The following SCAPER variants were observed in gnomAD, a reference collection of about 807,000 sequenced individuals.
SCAPER encodes the protein S phase cyclin A-associated protein in the endoplasmic reticulum.
Under a neutral mutation model 182.2 loss-of-function variants are expected in SCAPER, and 98 were observed. That is an observed-to-expected ratio of 0.54 (90% CI 0.46 to 0.64). The LOEUF is 0.64. SCAPER is among the 30% of genes least tolerant of loss of function. SCAPER has a pLI of 0.00. For synonymous variants in SCAPER, 605 were observed against 564.6 expected, an observed-to-expected ratio of 1.07 and a Z score of -1.01; for missense variants, 1,432 against 1,690.0, an observed-to-expected ratio of 0.85 and a Z score of 2.68.
At chr15:76,507,368 A>G (rs2041673539) in intron 23 of SCAPER, among the ~76,000 whole-genome samples, 1 of 152,132 alleles carries the variant, frequency 6.6e-6, no homozygotes, top group Non-Finnish European at 1.5e-5. Context: ...AAACCGAGGG[A>G]AAATCAATTT....
intron 17 of SCAPER, among the ~76,000 whole-genome samples, chr15:76,724,386 A>T (rs2060461841): frequency 6.6e-6 from 1 of 152,128 alleles, no homozygotes; most frequent in Non-Finnish European, 1.5e-5. Flanking sequence ...ACTTCGGTGA[A>T]TCTGACAATT....
chr15:76,790,100 G>A (rs377226498), intron 8 of SCAPER, among the ~76,000 whole-genome samples: 4 of 151,780 alleles, frequency 2.6e-5, no homozygotes, highest in Admixed American at 6.6e-5. Flanking sequence ...GCGTGGTGGC[G>A]GGCGCCTGTA....
intron 23 of SCAPER, among the ~76,000 whole-genome samples, chr15:76,524,832 A>AG (rs1193974862): frequency 2.6e-5 from 4 of 151,762 alleles, no homozygotes; most frequent in Non-Finnish European, 4.4e-5. Context: ...GTTTACATAC[A>AG]GGGAAGATCT....
intron 2 of SCAPER, among the ~76,000 whole-genome samples, chr15:76,875,020 T>C (rs1260643801): frequency 9.2e-5 from 14 of 151,840 alleles, no homozygotes; most frequent in Admixed American, 9.2e-4. Context: ...AATTTGTAAA[T>C]CTCTTTGAAA....
At chr15:76,637,742 A>ATATATG (rs1414519401) in intron 21 of SCAPER, among the ~76,000 whole-genome samples, 2 of 105,844 alleles carry the variant, frequency 1.9e-5, no homozygotes, top group South Asian at 3.6e-4. Context: ...ATATATATAT[A>ATATATG]TGTGTGTGTG....
chr15:76,748,862 T>C (rs1353144850), intron 15 of SCAPER, among the ~76,000 whole-genome samples: 2 of 151,816 alleles, frequency 1.3e-5, no homozygotes, highest in Admixed American at 6.6e-5. Context: ...AATAAAACTT[T>C]TAGGCAAAAA....
intron 26 of SCAPER, among the ~76,000 whole-genome samples, chr15:76,416,225 A>G (rs957112283): frequency 2.6e-5 from 4 of 152,074 alleles, no homozygotes; most frequent in African/African-American, 7.2e-5. Context: ...CTGTAATCCC[A>G]GCACTTTGGA....
At chr15:76,733,968 G>T (rs1157811929) in intron 15 of SCAPER, among the ~76,000 whole-genome samples, 1 of 152,166 alleles carries the variant, frequency 6.6e-6, no homozygotes, top group Non-Finnish European at 1.5e-5. Context: ...ATTTTTAAGT[G>T]AAGAAACAAT....
chr15:76,524,829 T>C (rs2043084633), intron 23 of SCAPER, among the ~76,000 whole-genome samples: 1 of 151,220 alleles, frequency 6.6e-6, no homozygotes, highest in East Asian at 2.0e-4. Flanking sequence ...TAGGTTTACA[T>C]ACAGGGAAGA....
chr15:76,699,342 G>C (rs951390527), intron 20 of SCAPER, among the ~76,000 whole-genome samples: 3 of 152,138 alleles, frequency 2.0e-5, no homozygotes, highest in African/African-American at 7.2e-5. Context: ...TCTCGTTCCA[G>C]TTCTCAAGGG....
chr15:76,800,853 G>A (rs1283448907), intron 6 of SCAPER, among the ~76,000 whole-genome samples: 1 of 152,210 alleles, frequency 6.6e-6, no homozygotes, highest in African/African-American at 2.4e-5. Context: ...ACTCACGAGA[G>A]TAGGATTTCA....
rs534511545 is a variant in SCAPER at position 76,767,992 on chromosome 15, G to C, written c.1249-904C>G. Among the ~76,000 whole-genome samples the C allele has an allele frequency of 4.6e-5, 7 of 152,178 alleles. No homozygotes were observed. The South Asian group carries it at 1.2e-3, about 27-fold the overall frequency. On this transcript the variant is annotated intron_variant, in intron 10 of 31. Transcript: ENST00000563290. ...AGAAGACCAATTTATAATAATAAAA[G>C]GGTCAATTCATCAAGACGACAAAAC...
At chr15:76,371,396 C>T (rs1334346206) in intron 29 of SCAPER, among the ~76,000 whole-genome samples, 5 of 151,166 alleles carry the variant, frequency 3.3e-5, no homozygotes, top group East Asian at 2.0e-4. Context: ...CTCGGCTCAC[C>T]GCAACCTCCG....
rs374199789 is a variant in SCAPER, at chr15:76,536,498, T to A, written c.2839-31524A>T. 3.3e-5 allele frequency among the ~76,000 whole-genome samples: 5 copies of A among 152,240 alleles called. No homozygotes were observed. The East Asian group carries it at 5.8e-4, about 18-fold the overall frequency. On this transcript the variant is annotated intron_variant, in intron 23 of 31. Coordinates refer to ENST00000563290, the MANE Select transcript of SCAPER (RefSeq NM_020843.4). ...TTATACAGTTAATGGTAATGAGTTA[T>A]GAGACAATATTACAAAAGTGTTACA...
At chr15:76,798,399 T>C (rs1325895242) in intron 7 of SCAPER, among the ~76,000 whole-genome samples, 1 of 130,542 alleles carries the variant, frequency 7.7e-6, no homozygotes, top group African/African-American at 2.8e-5. Flanking sequence ...AAAGAAAAAA[T>C]GAACAGATCC....
chr15:76,835,740 G>A (rs1032925061), intron 5 of SCAPER, among the ~76,000 whole-genome samples: 1 of 152,080 alleles, frequency 6.6e-6, no homozygotes, highest in Non-Finnish European at 1.5e-5. Flanking sequence ...AATAGGAAGA[G>A]AGGAAGTCAA....
intron 22 of SCAPER, among the ~76,000 whole-genome samples, chr15:76,585,709 T>C (rs970217358): frequency 6.6e-6 from 1 of 152,172 alleles, no homozygotes; most frequent in Non-Finnish European, 1.5e-5. Flanking sequence ...ATCAAGGGGA[T>C]GCTTTGGTAA....
At chr15:76,865,485 G>A (rs777716543) in intron 2 of SCAPER, among the ~76,000 whole-genome samples, 1 of 152,096 alleles carries the variant, frequency 6.6e-6, no homozygotes, top group Non-Finnish European at 1.5e-5. Context: ...GGGATACTGA[G>A]TATTAAGATA....
At chr15:76,424,463 T>C (rs925645940) in intron 26 of SCAPER, among the ~76,000 whole-genome samples, 1 of 152,196 alleles carries the variant, frequency 6.6e-6, no homozygotes, top group African/African-American at 2.4e-5. Context: ...TTGTTTTCCA[T>C]TTGCTTGGTA....
Sources: allele counts gnomAD v4.1 joint callset (sites outside exome capture counted in the v4.1 genomes callset), GRCh38; gene constraint gnomAD v4.1.1; transcripts MANE v1.5; gene names NCBI Gene and HGNC (gene_info 2026-07-23, HGNC 2026-07-21).